The following SUGT1 variants were observed in gnomAD, a reference collection of about 807,000 sequenced individuals.
SUGT1 encodes protein SGT1 homolog.
A neutral mutation model predicts 56.1 loss-of-function variants in SUGT1; 15 were observed. The ratio of observed to expected loss-of-function variants is 0.27; its 90% CI spans 0.18 to 0.41. The LOEUF is 0.41. Ranked by LOEUF, SUGT1 falls within the 10% of genes least tolerant of loss-of-function variation. The pLI is 1.00. For synonymous variants in SUGT1, 123 were observed against 128.6 expected (o/e 0.96, Z 0.30); for missense variants, 347 against 382.2 (o/e 0.91, Z 0.77).
chr13:52,682,564 G>GA (rs1242352525), intron 12 of SUGT1, among the ~76,000 whole-genome samples: 1 of 152,190 alleles, frequency 6.6e-6, no homozygotes, highest in Admixed American at 6.5e-5. Flanking sequence ...GATTTAACTT[G>GA]AGGTTCCTTT....
At chr13:52,662,733 A>G (rs1962520027) in intron 6 of SUGT1, 31 bp downstream of exon 6, 2 of 1,598,368 alleles carry the variant, frequency 1.3e-6, no homozygotes, top group Admixed American at 1.8e-5. Flanking sequence ...ATTTGTTTCA[A>G]TTTAAAAAGA....
chr13:52,673,782 TAAAG>T (rs770603952), intron 10 of SUGT1, among the ~76,000 whole-genome samples: 2 of 152,218 alleles, frequency 1.3e-5, no homozygotes, highest in African/African-American at 2.4e-5. Flanking sequence ...AGTTGAAAAT[TAAAG>T]AAGATGCAAT....
chr13:52,696,687 G>C lies in SUGT1; in HGVS notation c.*8852G>C, dbSNP rs1963943714. 1 of 152,156 alleles carries C rather than the reference G, an allele frequency of 6.6e-6. No homozygotes were observed. The highest frequency in any genetic ancestry group is 1.5e-5 in the Non-Finnish European group (1 of 68,042). The allele number at this position is 152,156 out of a possible 1,614,324, so 9.4% of individuals were successfully genotyped here. A position where few individuals can be genotyped will look rare whatever the true frequency, so the allele number is the denominator to read the frequency against. Reference sequence around the variant, plus strand: ...GTGCTCAGGCTGGAGTGCAGTGGCTGTTCACAGGCGTGATAATTGTGTGTT... The same window carrying C: ...GTGCTCAGGCTGGAGTGCAGTGGCTCTTCACAGGCGTGATAATTGTGTGTT... On this transcript the variant is annotated 3_prime_UTR_variant, in exon 13 of 13. Transcript: ENST00000310528.
intron 3 of SUGT1, among the ~76,000 whole-genome samples, 195 bp downstream of exon 3, chr13:52,657,817 A>G (rs1962240107): frequency 6.6e-6 from 1 of 152,216 alleles, no homozygotes; most frequent in Admixed American, 6.5e-5. Flanking sequence ...CATTGGGTGG[A>G]GAATGTATAC....
At chr13:52,682,655 A>G (rs1485647147) in intron 12 of SUGT1, among the ~76,000 whole-genome samples, 1 of 152,168 alleles carries the variant, frequency 6.6e-6, no homozygotes, top group East Asian at 1.9e-4. Flanking sequence ...CTTAAAAATC[A>G]GTTGAGCGTA....
intron 12 of SUGT1, among the ~76,000 whole-genome samples, chr13:52,684,959 C>G (rs923179945): frequency 6.6e-6 from 1 of 151,288 alleles, no homozygotes; most frequent in East Asian, 1.9e-4. Context: ...GCTTCTTCAG[C>G]TCCAAGTCTA....
Position 52,695,939 on chromosome 13 carries a change from C to T in SUGT1, c.*8104C>T, listed in dbSNP as rs975641616. On this transcript the variant is annotated 3_prime_UTR_variant, in exon 13 of 13. Transcript: ENST00000310528. ...AGGAAAGCAGTCTAATCTTTTGCAACTCTGTTACTGACTTTTGTGGCATTG... is the reference window on the plus strand; with the variant it reads ...AGGAAAGCAGTCTAATCTTTTGCAATTCTGTTACTGACTTTTGTGGCATTG... 4 of 152,198 alleles carry T rather than the reference C, an allele frequency of 2.6e-5. No individual in the cohort carries two copies. The highest frequency in any genetic ancestry group is 5.9e-5 in the Non-Finnish European group (4 of 68,034). The allele number at this position is 152,198 out of a possible 1,614,324, so 9.4% of individuals were successfully genotyped here.
Position 52,680,042 on chromosome 13 carries a change from AAAG to A in SUGT1, c.796_798del (p.Glu266del), listed in dbSNP as rs1963307815. On this transcript the variant is annotated inframe_deletion, in exon 12 of 13. Transcript: ENST00000310528. Reference sequence around the variant, plus strand: ...TTGGGATAAATTGGTTGGTGAGATCAAAGAAGAAGAAAAGAATGAAAAGTTGGA... The same window carrying A: ...TTGGGATAAATTGGTTGGTGAGATCAAAGAAGAAAAGAATGAAAAGTTGGA... The A allele has an allele frequency of 7.5e-6, 12 of 1,603,166 alleles. No homozygotes were observed. The highest frequency in any genetic ancestry group is 9.3e-6 in the Non-Finnish European group (11 of 1,177,248).
intron 10 of SUGT1, among the ~76,000 whole-genome samples, chr13:52,676,019 A>G (rs1180361944): frequency 6.6e-6 from 1 of 152,210 alleles, no homozygotes; most frequent in African/African-American, 2.4e-5. Flanking sequence ...TATAGCTTAT[A>G]TATAGTGTGT....
intron 10 of SUGT1, among the ~76,000 whole-genome samples, chr13:52,672,389 A>C (rs557156525): frequency 2.6e-5 from 4 of 152,308 alleles, no homozygotes; most frequent in Admixed American, 2.0e-4. Context: ...GTACTCAGCA[A>C]ATATTTGAAA....
intron 10 of SUGT1, among the ~76,000 whole-genome samples, chr13:52,667,172 AG>A (rs1236280322): frequency 3.3e-5 from 5 of 152,236 alleles, no homozygotes; most frequent in Non-Finnish European, 5.9e-5. Flanking sequence ...TTTTCAATAA[AG>A]GGGTTTTTTT....
rs1195332236 is a variant in SUGT1 at position 52,698,572 on chromosome 13, G to C, written c.*10737G>C. ...CCTGCCTCAGCCTCTCAGGTAGCTGGGACTGCACTACTAGTGCACTAAGCT... is the reference window on the plus strand; with the variant it reads ...CCTGCCTCAGCCTCTCAGGTAGCTGCGACTGCACTACTAGTGCACTAAGCT... On this transcript the variant is annotated 3_prime_UTR_variant, in exon 13 of 13. Transcript: ENST00000310528. 1.3e-5 allele frequency: 2 copies of C among 150,356 alleles called. No individual in the cohort carries two copies. Among genetic ancestry groups the C allele is most frequent in the Non-Finnish European group, 1.5e-5 (1 of 67,874 alleles). 9.3% of individuals were successfully genotyped at this position (150,356 alleles called of 1,614,324 possible).
Position 52,690,059 on chromosome 13 carries a change from T to G in SUGT1, c.*2224T>G, listed in dbSNP as rs984382704. ...GAATATGCTTACCCATTGGCTAGAT[T>G]TGCTAAGTGTTGTGGGATTTGGGAT... On this transcript the variant is annotated 3_prime_UTR_variant, in exon 13 of 13. Transcript: ENST00000310528. 6.6e-5 allele frequency: 10 copies of G among 152,212 alleles called. No homozygotes were observed. The highest frequency in any genetic ancestry group is 3.2e-3 in the Middle Eastern group (1 of 316). 9.4% of individuals were successfully genotyped at this position (152,212 alleles called of 1,614,324 possible).
At chr13:52,663,612 A>G (rs9568748) in intron 7 of SUGT1, among the ~76,000 whole-genome samples, 145,642 of 152,268 alleles carry the variant, frequency 0.96, 69,670 homozygotes, top group East Asian at 0.99. Context: ...GGGACTACAG[A>G]TGTACACCAC....
chr13:52,666,497 A>G (rs1962708706), intron 9 of SUGT1, among the ~76,000 whole-genome samples: 1 of 152,190 alleles, frequency 6.6e-6, no homozygotes, highest in Non-Finnish European at 1.5e-5. Context: ...TTTTTGTTAT[A>G]TATCATTTTG....
intron 11 of SUGT1, among the ~76,000 whole-genome samples, chr13:52,678,294 A>T (rs977869216): frequency 1.3e-5 from 2 of 152,038 alleles, no homozygotes; most frequent in African/African-American, 4.8e-5. Flanking sequence ...AAAAAAAACT[A>T]TGTGTTGGTG....
Position 52,664,016 on chromosome 13 carries a change from A to G in SUGT1, c.400-19A>G. The G allele has an allele frequency of 6.2e-7, 1 of 1,612,688 alleles. No homozygotes were observed. The highest frequency in any genetic ancestry group is 8.5e-7 in the Non-Finnish European group (1 of 1,179,362). ...AAAATCTTTCTCTTTCAACTTACCA[A>G]AATCAATCTGCATCCCAGTGGACTC... On this transcript the variant is annotated intron_variant, in intron 7 of 12. Transcript: ENST00000310528.
Position 52,657,613 on chromosome 13 carries a change from A to G in SUGT1, c.178A>G (p.Asn60Asp). 1 of 1,613,184 alleles carries G rather than the reference A, an allele frequency of 6.2e-7. No individual in the cohort carries two copies. Among genetic ancestry groups the G allele is most frequent in the Non-Finnish European group, 8.5e-7 (1 of 1,179,478 alleles). The change falls in exon 3 of 13, where the codon AAT becomes GAT. Residue 60 changes from asparagine to aspartate, a missense_variant. Coordinates refer to ENST00000310528, the MANE Select transcript of SUGT1 (RefSeq NM_006704.5). ...QRAYCHILLG[N>D]YCVAVADAKK... ...AGCTTATTGTCACATTCTTCTTGGG[A>G]ATTACTGTGGTAACGTTTCTTATAA...
chr13:52,659,954 G>C (rs769868158), intron 5 of SUGT1, among the ~76,000 whole-genome samples: 4 of 148,238 alleles, frequency 2.7e-5, no homozygotes, highest in African/African-American at 1.0e-4. Context: ...TCAGCCCCCC[G>C]AGTAGCTGGG....
Sources: allele counts gnomAD v4.1 joint callset (sites outside exome capture counted in the v4.1 genomes callset), GRCh38; gene constraint gnomAD v4.1.1; transcripts MANE v1.5; gene names NCBI Gene and HGNC (gene_info 2026-07-23, HGNC 2026-07-21).